TBC1D1: variants seen among roughly 807,000 people sequenced by gnomAD.
The protein encoded by TBC1D1 is TBC1 (tre-2/USP6, BUB2, cdc16) domain family, member 1.
Under a neutral mutation model 125.6 loss-of-function variants are expected in TBC1D1, and 89 were observed. The observed-to-expected ratio is 0.71, with a 90% CI of 0.60 to 0.85. The LOEUF is 0.85. Among genes scored for constraint, TBC1D1 ranks in the 40% least tolerant of loss-of-function variants. The pLI is 0.00. For missense variants in TBC1D1, 1,377 were observed against 1,469.2 expected (o/e 0.94, Z 1.03); for synonymous variants, 565 against 564.1 (o/e 1.00, Z -0.02).
chr4:38,102,982 TTC>T lies in TBC1D1; in HGVS notation c.2399-12_2399-11del. ...TCTGTGCATAAATTATTTCCATGTC[TTC>T]TCTCCCTTTTAAAGGTGTGCCACGT... On this transcript the variant is annotated splice_polypyrimidine_tract_variant and intron_variant, in intron 14 of 19. Coordinates refer to ENST00000261439, the MANE Select transcript of TBC1D1 (RefSeq NM_015173.4). 6.2e-7 allele frequency: 1 copy of T among 1,608,914 alleles called. No homozygotes were observed. The highest frequency in any genetic ancestry group is 8.5e-7 in the Non-Finnish European group (1 of 1,177,966).
intron 2 of TBC1D1, among the ~76,000 whole-genome samples, chr4:37,989,614 T>G (rs1470902625): frequency 2.0e-5 from 3 of 152,248 alleles, no homozygotes; most frequent in Admixed American, 6.5e-5. Context: ...CTTTCTGTTG[T>G]TCTAGCACAT....
intron 2 of TBC1D1, among the ~76,000 whole-genome samples, chr4:37,965,540 G>T (rs1730898124): frequency 6.6e-6 from 1 of 152,070 alleles, no homozygotes; most frequent in South Asian, 2.1e-4. Context: ...GTGGAGGGAG[G>T]TGATCCCTGC....
intron 1 of TBC1D1, among the ~76,000 whole-genome samples, chr4:37,899,827 G>A (rs1309990055): frequency 1.3e-5 from 2 of 152,186 alleles, no homozygotes; most frequent in Admixed American, 1.3e-4. Flanking sequence ...AGAGATTCAA[G>A]AAGGAAGGTG....
intron 2 of TBC1D1, among the ~76,000 whole-genome samples, chr4:37,958,510 C>T (rs550105806): frequency 2.9e-4 from 44 of 152,208 alleles, no homozygotes; most frequent in African/African-American, 1.1e-3. Flanking sequence ...TTAAGCATTC[C>T]GTCTCTCCTA....
chr4:38,002,388 T>C (rs1382491800), intron 2 of TBC1D1, among the ~76,000 whole-genome samples: 2 of 152,208 alleles, frequency 1.3e-5, no homozygotes, highest in Non-Finnish European at 2.9e-5. Flanking sequence ...TCCCCGTGTT[T>C]CTGGTTTATT....
intron 2 of TBC1D1, among the ~76,000 whole-genome samples, chr4:38,003,383 C>T (rs77317554): frequency 7.3e-4 from 111 of 152,156 alleles, no homozygotes; most frequent in African/African-American, 2.4e-3. Context: ...TTGAGATTGC[C>T]GGAAAGTTGA....
At chr4:37,935,902 G>A (rs35757014) in intron 2 of TBC1D1, among the ~76,000 whole-genome samples, 22,498 of 152,114 alleles carry the variant, frequency 0.15, 2,161 homozygotes, top group East Asian at 0.35. Flanking sequence ...ATATGACAGC[G>A]CTATTCCTTC....
chr4:38,019,372 A>G (rs1578294510), intron 4 of TBC1D1, among the ~76,000 whole-genome samples: 1 of 152,334 alleles, frequency 6.6e-6, no homozygotes, highest in Non-Finnish European at 1.5e-5. Flanking sequence ...CTTAAGTGGT[A>G]GCCTTATGCT....
intron 2 of TBC1D1, among the ~76,000 whole-genome samples, chr4:37,941,588 C>A (rs1725586145): frequency 1.3e-5 from 2 of 152,216 alleles, no homozygotes; most frequent in Non-Finnish European, 2.9e-5. Context: ...TTTGCTCTTG[C>A]TTCTCTAGTT....
intron 2 of TBC1D1, among the ~76,000 whole-genome samples, chr4:37,974,027 T>C (rs1202741219): frequency 1.3e-5 from 2 of 152,240 alleles, no homozygotes; most frequent in Non-Finnish European, 2.9e-5. Context: ...ACAAGCATTC[T>C]CGCTCTAATG....
At chr4:38,049,019 T>A (rs1749992583) in intron 10 of TBC1D1, among the ~76,000 whole-genome samples, 2 of 152,242 alleles carry the variant, frequency 1.3e-5, no homozygotes, top group Non-Finnish European at 2.9e-5. Flanking sequence ...GAAACTCAGA[T>A]ACATTTTTAC....
intron 1 of TBC1D1, among the ~76,000 whole-genome samples, chr4:37,895,965 A>G (rs1182177257): frequency 6.6e-6 from 1 of 152,178 alleles, no homozygotes; most frequent in Non-Finnish European, 1.5e-5. Context: ...AGTGTAGCCA[A>G]GTCAGTGAGC....
At chr4:37,895,470 G>A (rs1714360538) in intron 1 of TBC1D1, among the ~76,000 whole-genome samples, 1 of 152,112 alleles carries the variant, frequency 6.6e-6, no homozygotes, top group Non-Finnish European at 1.5e-5. Flanking sequence ...TTGGGAGGCC[G>A]AGGCTGGCAG....
intron 2 of TBC1D1, among the ~76,000 whole-genome samples, chr4:37,970,783 C>T (rs1364760013): frequency 1.3e-5 from 2 of 152,204 alleles, no homozygotes; most frequent in Non-Finnish European, 2.9e-5. Flanking sequence ...AACTGAATTC[C>T]TGATCCATTG....
chr4:37,974,968 G>A lies in TBC1D1; in HGVS notation c.418-39541G>A, dbSNP rs545703035. On this transcript the variant is annotated intron_variant, in intron 2 of 19. Transcript: ENST00000261439. ...TGTAGGGTCTAGCCCCACAGGGTTG[G>A]TGGGTTTTTTCCCCGTGTGCAGAGA... 2.4e-4 allele frequency among the ~76,000 whole-genome samples: 37 copies of A among 152,314 alleles called. 1 individual carries two copies. Among genetic ancestry groups the A allele is most frequent in the African/African-American group, 7.9e-4 (33 of 41,556 alleles).
At chr4:37,994,264 T>G (rs2152393276) in intron 2 of TBC1D1, among the ~76,000 whole-genome samples, 1 of 152,362 alleles carries the variant, frequency 6.6e-6, no homozygotes, top group African/African-American at 2.4e-5. Context: ...TTATAATATA[T>G]TCAAAGTGGA....
At chr4:37,974,371 C>G (rs1000080845) in intron 2 of TBC1D1, among the ~76,000 whole-genome samples, 3 of 152,044 alleles carry the variant, frequency 2.0e-5, no homozygotes, top group African/African-American at 4.8e-5. Context: ...GCTAAGACTA[C>G]AGGTGTGTGC....
intron 2 of TBC1D1, among the ~76,000 whole-genome samples, chr4:37,992,262 A>G (rs1736730021): frequency 6.6e-6 from 1 of 152,114 alleles, no homozygotes; most frequent in Non-Finnish European, 1.5e-5. Context: ...AAGCAAGTGT[A>G]GGCCCGGACC....
intron 2 of TBC1D1, among the ~76,000 whole-genome samples, chr4:37,984,248 T>G (rs145438403): frequency 0.013 from 1,959 of 152,340 alleles, 21 homozygotes; most frequent in Middle Eastern, 0.041. Context: ...TTTGTGTGGA[T>G]ATGAGTTTTC....
Sources: allele counts gnomAD v4.1 joint callset (sites outside exome capture counted in the v4.1 genomes callset), GRCh38; gene constraint gnomAD v4.1.1; transcripts MANE v1.5; gene names NCBI Gene and HGNC (gene_info 2026-07-23, HGNC 2026-07-21).